The following TBC1D9 variants were observed in gnomAD, a reference collection of about 807,000 sequenced individuals.
The protein encoded by TBC1D9 is TBC1 domain family member 9.
TBC1D9 carries 63 observed loss-of-function variants against 132.0 expected under a neutral mutation model. The ratio of observed to expected loss-of-function variants is 0.48; its 90% CI spans 0.39 to 0.59. The LOEUF (loss-of-function observed/expected upper bound fraction) is 0.59. Ranked by LOEUF, TBC1D9 falls within the 20% of genes least tolerant of loss-of-function variation. The pLI is 0.00. For synonymous variants in TBC1D9, 610 were observed against 609.9 expected (o/e 1.00, Z 0.00); for missense variants, 1,261 against 1,592.7 (o/e 0.79, Z 3.54).
intron 13 of TBC1D9, chr4:140,642,075 G>A: frequency 5.7e-6 from 4 of 700,322 alleles, no homozygotes; most frequent in South Asian, 3.1e-5. Context: ...GAGTCCGGGA[G>A]GGGGCGGAGG....
chr4:140,754,737 G>GT (rs1352872573), intron 1 of TBC1D9, among the ~76,000 whole-genome samples: 2 of 151,058 alleles, frequency 1.3e-5, no homozygotes, highest in Non-Finnish European at 2.9e-5. Context: ...GAAAATCCTG[G>GT]TATCAGATCA....
intron 6 of TBC1D9, among the ~76,000 whole-genome samples, chr4:140,671,636 G>A (rs1348242207): frequency 1.3e-5 from 2 of 150,364 alleles, no homozygotes; most frequent in Non-Finnish European, 2.9e-5. Context: ...TGTAAAGAAT[G>A]TAAACAGCTT....
intron 1 of TBC1D9, among the ~76,000 whole-genome samples, chr4:140,711,376 T>C (rs968553789): frequency 6.6e-6 from 1 of 152,180 alleles, no homozygotes; most frequent in African/African-American, 2.4e-5. Flanking sequence ...TTCATCGCTA[T>C]GAAGCCCACC....
At chr4:140,714,763 CAG>C (rs1169573828) in intron 1 of TBC1D9, among the ~76,000 whole-genome samples, 2 of 152,070 alleles carry the variant, frequency 1.3e-5, no homozygotes, top group Admixed American at 1.3e-4. Context: ...ATAATTTTTT[CAG>C]AGTCTGCTCT....
In TBC1D9 at chr4:140,639,424, AAT is replaced by A; in HGVS notation, c.2340_2341del (p.Lys780AsnfsTer10). 1 of 1,607,274 alleles carries A rather than the reference AAT, an allele frequency of 6.2e-7. No individual in the cohort carries two copies. On this transcript the variant is annotated frameshift_variant and splice_region_variant, in exon 14 of 21. Transcript: ENST00000442267. LOFTEE classifies it high-confidence loss of function. Reference sequence around the variant, plus strand: ...AATCAAATCTGCCCGGATAGTTCCGAATTTCTGTAAAGGAGCAATATTGGTGT... The same window carrying A: ...AATCAAATCTGCCCGGATAGTTCCGATTCTGTAAAGGAGCAATATTGGTGT...
chr4:140,739,691 T>C (rs1368662856), intron 1 of TBC1D9, among the ~76,000 whole-genome samples: 1 of 152,200 alleles, frequency 6.6e-6, no homozygotes, highest in Non-Finnish European at 1.5e-5. Flanking sequence ...ATTACCAAAA[T>C]GTAGAATTTT....
chr4:140,737,411 T>G (rs1164124753), intron 1 of TBC1D9, among the ~76,000 whole-genome samples: 3 of 151,010 alleles, frequency 2.0e-5, no homozygotes, highest in Non-Finnish European at 4.4e-5. Flanking sequence ...TCTGCCTGAA[T>G]AGCTCTCTCT....
intron 1 of TBC1D9, among the ~76,000 whole-genome samples, chr4:140,730,234 G>A (rs1370080659): frequency 6.6e-6 from 1 of 152,094 alleles, no homozygotes; most frequent in Admixed American, 6.5e-5. Flanking sequence ...TCCTCATCAG[G>A]CCACTGTAAC....
intron 13 of TBC1D9, chr4:140,643,743 C>T (rs544325581): frequency 9.5e-6 from 11 of 1,152,782 alleles, no homozygotes; most frequent in African/African-American, 9.1e-5. Context: ...GGAATCCACG[C>T]ATGCTTCAGG....
At chr4:140,640,619 A>G (rs996217341) in intron 13 of TBC1D9, among the ~76,000 whole-genome samples, 5 of 152,176 alleles carry the variant, frequency 3.3e-5, no homozygotes, top group African/African-American at 9.7e-5. Flanking sequence ...GCAAGACTCA[A>G]TTTCCAAGCG....
rs1484624106 is a variant in TBC1D9 at position 140,634,046 on chromosome 4, C to T, written c.2648G>A (p.Cys883Tyr). Residue 883 changes from cysteine to tyrosine, a missense_variant, in exon 16 of 21, where the codon TGT becomes TAT. Coordinates refer to ENST00000442267, the MANE Select transcript of TBC1D9 (RefSeq NM_015130.3). ...GMFALLFPWA[C>Y]GTHSDVLASR... ...GGCCAGAACGTCAGAGTGAGTTCCA[C>T]ATGCCCAAGGAAAGAGAAGAGCAAA... is the stretch of plus-strand genomic sequence containing the variant. The T allele has an allele frequency of 5.0e-6, 8 of 1,613,916 alleles. No individual in the cohort carries two copies. Among genetic ancestry groups the T allele is most frequent in the Non-Finnish European group, 5.9e-6 (7 of 1,179,902 alleles).
At chr4:140,723,370 C>T (rs1399370824) in intron 1 of TBC1D9, among the ~76,000 whole-genome samples, 1 of 152,222 alleles carries the variant, frequency 6.6e-6, no homozygotes, top group Non-Finnish European at 1.5e-5. Flanking sequence ...TGGTCTCACT[C>T]TGTCGCCCAG....
chr4:140,681,858 G>A (rs1737706976), intron 3 of TBC1D9, among the ~76,000 whole-genome samples: 1 of 152,154 alleles, frequency 6.6e-6, no homozygotes, highest in South Asian at 2.1e-4. Context: ...CACCTTCCCT[G>A]TGAAACCAGC....
intron 13 of TBC1D9, among the ~76,000 whole-genome samples, chr4:140,649,466 A>C (rs1319561619): frequency 6.6e-6 from 1 of 152,234 alleles, no homozygotes; most frequent in African/African-American, 2.4e-5. Context: ...AAAACTCCAA[A>C]TACTTAAGAT....
intron 16 of TBC1D9, among the ~76,000 whole-genome samples, chr4:140,632,013 T>C (rs1024084401): frequency 3.3e-5 from 5 of 152,176 alleles, no homozygotes; most frequent in African/African-American, 1.2e-4. Context: ...CATCTGAGAG[T>C]TCTCCCACTA....
At chr4:140,639,532 C>T (rs1283455610) in intron 13 of TBC1D9, 104 bp from the exon 14 acceptor site, 2 of 794,710 alleles carry the variant, frequency 2.5e-6, no homozygotes, top group Non-Finnish European at 4.2e-6. Flanking sequence ...AAAGAAATGA[C>T]TTCTCATATG....
chr4:140,648,164 G>A (rs764639517), intron 13 of TBC1D9, among the ~76,000 whole-genome samples: 4 of 152,140 alleles, frequency 2.6e-5, no homozygotes, highest in Non-Finnish European at 5.9e-5. Flanking sequence ...TGCTGGAGGT[G>A]AGGGAGCCTA....
intron 2 of TBC1D9, among the ~76,000 whole-genome samples, chr4:140,692,594 C>T (rs1050639997): frequency 6.6e-6 from 1 of 152,056 alleles, no homozygotes; most frequent in Non-Finnish European, 1.5e-5. Context: ...TTTTTAGAAA[C>T]AAATGAAAAT....
intron 17 of TBC1D9, 72 bp downstream of exon 17, chr4:140,628,228 T>G: frequency 7.5e-7 from 1 of 1,335,780 alleles, no homozygotes; most frequent in Non-Finnish European, 1.1e-6. Context: ...ACGATCAGGT[T>G]ACACCTAAAA....
Sources: allele counts gnomAD v4.1 joint callset (sites outside exome capture counted in the v4.1 genomes callset), GRCh38; gene constraint gnomAD v4.1.1; transcripts MANE v1.5; gene names NCBI Gene and HGNC (gene_info 2026-07-23, HGNC 2026-07-21).